ATP11C: variants seen among roughly 807,000 people sequenced by gnomAD.
ATP11C encodes ATPase phospholipid transporting 11C (ATP11C blood group), also known as phospholipid-transporting ATPase IG.
Under a neutral mutation model 97.4 loss-of-function variants are expected in ATP11C, and 36 were observed. That is an observed-to-expected ratio of 0.37 (90% CI 0.28 to 0.49). ATP11C has a LOEUF of 0.49. Among genes scored for constraint, ATP11C ranks in the 20% least tolerant of loss-of-function variants. ATP11C has a pLI of 0.98. For missense variants in ATP11C, 730 were observed against 824.6 expected (o/e 0.89, Z 1.40); for synonymous variants, 275 against 290.9 (o/e 0.95, Z 0.56).
upstream of ATP11C, among the ~76,000 whole-genome samples, chrX:139,935,950 C>T (rs962114455): frequency 9.1e-6 from 1 of 109,672 alleles, no homozygotes; most frequent in African/African-American, 3.3e-5. Context: ...GAGCCAAGAT[C>T]GCGCCAGTAC....
chrX:139,820,172 C>G (rs992455682), intron 2 of ATP11C, among the ~76,000 whole-genome samples: 2 of 103,412 alleles, frequency 1.9e-5, no homozygotes, highest in Non-Finnish European at 3.9e-5. Flanking sequence ...GACAACAGAG[C>G]GAGAATGAGA....
At chrX:139,909,157 G>A (rs977363173) in intron 1 of ATP11C, among the ~76,000 whole-genome samples, 3 of 111,200 alleles carry the variant, frequency 2.7e-5, no homozygotes, top group Non-Finnish European at 5.7e-5. Flanking sequence ...TTGAGACAGA[G>A]TTTCACTCTT....
chrX:139,910,704 C>T (rs1017369798), intron 1 of ATP11C, among the ~76,000 whole-genome samples: 2 of 110,857 alleles, frequency 1.8e-5, no homozygotes, highest in Non-Finnish European at 3.8e-5. Context: ...CTTTTGACTC[C>T]AGCTCTTTAG....
chrX:139,758,549 T>C (rs2081979994), intron 22 of ATP11C, among the ~76,000 whole-genome samples: 1 of 111,596 alleles, frequency 9.0e-6, no homozygotes, highest in African/African-American at 3.3e-5. Flanking sequence ...GACTTATTAT[T>C]TAATTTGAGA....
At chrX:139,850,547 G>T (rs1468966062) in intron 1 of ATP11C, among the ~76,000 whole-genome samples, 4 of 111,686 alleles carry the variant, frequency 3.6e-5, no homozygotes, top group African/African-American at 1.3e-4. Context: ...GAGCTGTGTG[G>T]CTATTTTTAA....
intron 18 of ATP11C, 147 bp from the exon 19 acceptor site, chrX:139,775,100 A>G: frequency 1.8e-6 from 1 of 541,995 alleles, no homozygotes; most frequent in East Asian, 3.9e-5. Flanking sequence ...TACATCCCCT[A>G]CTCATTCTGA....
At position 139,757,835 on chromosome X, in the gene ATP11C, G is replaced by A. The variant is rs1027783993; in HGVS notation, c.2673C>T (p.Tyr891=). The A allele has an allele frequency of 9.3e-6, 11 of 1,183,029 alleles. No individual in the cohort carries two copies. In the African/African-American group the frequency reaches 2.0e-4, roughly 21 times the overall value. ...GTTGTGAGAATCCACAGAAGAACTG[G>A]TACAAAAACTGTGGCAAAATGAAAC... The part of the protein sequence containing the change: ...NLCFILPQFL[Y]QFFCGFSQQP... Residue 891 remains tyrosine (Y), a synonymous_variant, in exon 23 of 30, where the codon TAC becomes TAT. Transcript: ENST00000682941.
At chrX:139,816,579 T>A (rs1020264680) in intron 4 of ATP11C, among the ~76,000 whole-genome samples, 2 of 112,117 alleles carry the variant, frequency 1.8e-5, no homozygotes, top group African/African-American at 6.5e-5. Flanking sequence ...CTGAAACAAT[T>A]AATATGCATT....
At chrX:139,802,504 G>A (rs1323149361) in intron 6 of ATP11C, among the ~76,000 whole-genome samples, 165 bp from the exon 7 acceptor site, 2 of 111,349 alleles carry the variant, frequency 1.8e-5, no homozygotes, top group Non-Finnish European at 3.8e-5. Context: ...GTATTATTAT[G>A]AAAATATATT....
chrX:139,790,462 ACT>A (rs1403518287), intron 12 of ATP11C, among the ~76,000 whole-genome samples: 20 of 88,602 alleles, frequency 2.3e-4, no homozygotes, highest in South Asian at 1.9e-3. Context: ...TCTCTCTCTC[ACT>A]CACACACACA....
chrX:139,909,833 A>G (rs1265541128), intron 1 of ATP11C: 4 of 112,092 alleles, frequency 3.6e-5, no homozygotes, highest in African/African-American at 1.3e-4. Context: ...ACTTTTCTGA[A>G]GAAAACAGGA....
chrX:139,920,367 GAATT>G (rs2085238825), intron 1 of ATP11C, among the ~76,000 whole-genome samples: 2 of 34,014 alleles, frequency 5.9e-5, no homozygotes, highest in African/African-American at 9.5e-5. Context: ...AAAAAAAAAA[GAATT>G]AAGTACTGAT....
chrX:139,913,231 T>C (rs2085104300), intron 1 of ATP11C, among the ~76,000 whole-genome samples: 1 of 111,867 alleles, frequency 8.9e-6, no homozygotes, highest in Non-Finnish European at 1.9e-5. Flanking sequence ...GCAGTGTTGA[T>C]TCCCAGGAAG....
chrX:139,807,347 T>C (rs867738845), intron 5 of ATP11C, among the ~76,000 whole-genome samples: 6 of 110,981 alleles, frequency 5.4e-5, no homozygotes, highest in Middle Eastern at 9.2e-3. Flanking sequence ...CTTAAGGAAT[T>C]TGAAGTTAAG....
intron 1 of ATP11C, among the ~76,000 whole-genome samples, chrX:139,865,630 C>T (rs1048497125): frequency 4.4e-4 from 48 of 110,272 alleles, no homozygotes; most frequent in Non-Finnish European, 7.8e-4. Flanking sequence ...GGCGTGGTGG[C>T]GTGCACCTGT....
At chrX:139,888,732 T>TA (rs1421653425) in intron 1 of ATP11C, among the ~76,000 whole-genome samples, 6 of 110,715 alleles carry the variant, frequency 5.4e-5, no homozygotes, top group African/African-American at 1.6e-4. Context: ...TATGAAAATG[T>TA]ACCCAGTACA....
chrX:139,824,819 T>C (rs1424716769), intron 2 of ATP11C, among the ~76,000 whole-genome samples: 2 of 112,192 alleles, frequency 1.8e-5, no homozygotes, highest in African/African-American at 3.2e-5. Context: ...AAAAGCGGCA[T>C]CCAATTAAGA....
chrX:139,886,301 C>T (rs914368257), intron 1 of ATP11C, among the ~76,000 whole-genome samples: 2 of 110,833 alleles, frequency 1.8e-5, no homozygotes, highest in African/African-American at 3.3e-5. Context: ...TTTAAAAGCA[C>T]CAGTTGTGGC....
At chrX:139,796,558 T>G in intron 11 of ATP11C, 88 bp from the exon 12 acceptor site, 2 of 621,817 alleles carry the variant, frequency 3.2e-6, no homozygotes, top group Non-Finnish European at 2.5e-6. Flanking sequence ...TTCATCTTTA[T>G]TTCAATGCTG....
Sources: allele counts gnomAD v4.1 joint callset (sites outside exome capture counted in the v4.1 genomes callset), GRCh38; gene constraint gnomAD v4.1.1; transcripts MANE v1.5; gene names NCBI Gene and HGNC (gene_info 2026-07-23, HGNC 2026-07-21).